FNBP4: variants seen among roughly 807,000 people sequenced by gnomAD.
FNBP4 encodes the protein formin-binding protein 4.
FNBP4 carries 34 observed loss-of-function variants against 119.3 expected under a neutral mutation model. The ratio of observed to expected loss-of-function variants is 0.28; its 90% confidence interval spans 0.22 to 0.38. FNBP4 has a LOEUF of 0.38. Among genes scored for constraint, FNBP4 ranks in the 10% least tolerant of loss-of-function variants. FNBP4 has a pLI of 1.00. For synonymous variants in FNBP4, 462 were observed against 430.6 expected (o/e 1.07, Z -0.90); for missense variants, 1,112 against 1,228.9 (o/e 0.90, Z 1.42).
chr11:47,736,064 C>T (rs984342084), intron 9 of FNBP4, among the ~76,000 whole-genome samples: 6 of 120,046 alleles, frequency 5.0e-5, no homozygotes, highest in African/African-American at 1.5e-4. Context: ...GGAAACAGAG[C>T]GAGACTCCGA....
intron 7 of FNBP4, among the ~76,000 whole-genome samples, chr11:47,744,612 T>C (rs1014407575): frequency 1.3e-5 from 2 of 152,130 alleles, no homozygotes; most frequent in African/African-American, 4.8e-5. Flanking sequence ...TGTGGGTACA[T>C]AGTAAGTGTA....
At chr11:47,725,065 T>G (rs1376588793) in intron 12 of FNBP4, 5 of 272,440 alleles carry the variant, frequency 1.8e-5, no homozygotes, top group African/African-American at 6.6e-5. Flanking sequence ...ACCTTCCCCA[T>G]CTGTATTATA....
At chr11:47,727,252 T>TTC (rs1491357364) in intron 12 of FNBP4, among the ~76,000 whole-genome samples, 34 of 62,630 alleles carry the variant, frequency 5.4e-4, no homozygotes, top group Admixed American at 9.4e-4. Flanking sequence ...ACTTTTCTTC[T>TTC]TTTTTTTTTT....
intron 14 of FNBP4, among the ~76,000 whole-genome samples, 170 bp downstream of exon 14, chr11:47,723,858 C>T (rs970431750): frequency 5.9e-5 from 9 of 151,428 alleles, no homozygotes; most frequent in South Asian, 2.1e-4. Context: ...CCACTGTGCA[C>T]GGTCAGCTAA....
At position 47,734,006 on chromosome 11, in the gene FNBP4, A is replaced by AG; in HGVS notation, c.1686+18_1686+19insC. 1 of 1,330,410 alleles carries AG rather than the reference A, an allele frequency of 7.5e-7. No homozygotes were observed. Among genetic ancestry groups the AG allele is most frequent in the Non-Finnish European group, 1.0e-6 (1 of 989,876 alleles). The allele number at this position is 1,330,410 out of a possible 1,614,324, so 82.4% of individuals were successfully genotyped here. On this transcript the variant is annotated intron_variant, in intron 10 of 16. Coordinates refer to ENST00000263773, the MANE Select transcript of FNBP4 (RefSeq NM_015308.5). ...AACACTTAACTGTTTATGCCAAAAA[A>AG]AAAAAAAAAAAGACTTACCTCAGTC...
At chr11:47,766,684 G>A (rs1387347767) in intron 1 of FNBP4, among the ~76,000 whole-genome samples, 2 of 152,398 alleles carry the variant, frequency 1.3e-5, no homozygotes, top group East Asian at 3.9e-4. Context: ...CCGAAAGGAG[G>A]CAGATGACGT....
chr11:47,718,615 A>C (rs1331873044), intron 16 of FNBP4, among the ~76,000 whole-genome samples: 1 of 152,208 alleles, frequency 6.6e-6, no homozygotes, highest in Non-Finnish European at 1.5e-5. Flanking sequence ...AGAACCTTTA[A>C]TAAAAACTAA....
At position 47,746,079 on chromosome 11, in the gene FNBP4, C is replaced by T. The variant is rs753593811; in HGVS notation, c.1222G>A (p.Glu408Lys). The stretch of plus-strand genomic sequence containing the variant: ...ACTTTTTTCCTTTCCAAAACTAGCT[C>T]CAGTTCAAGGGTATCTTGTTCCTCT... Reference protein sequence around the residue: ...EEEEQDTLELELVLERKKAEL... With the variant: ...EEEEQDTLELKLVLERKKAEL... The change falls in exon 7 of 17, where the codon GAG (glutamate) becomes AAG (lysine). Residue 408 changes from glutamate (E) to lysine (K), a missense_variant. By Grantham distance (56) the Glu-to-Lys change is moderately conservative. This residue lies in a region of FNBP4 where 826 missense variants were observed against 988.8 expected (regional missense o/e 0.84). Transcript: ENST00000263773. The T allele has an allele frequency of 5.6e-6, 9 of 1,594,076 alleles. No individual in the cohort carries two copies. The Admixed American group carries it at 1.7e-4, about 30-fold the overall frequency.
rs369374801 is a variant in FNBP4 at position 47,750,450 on chromosome 11, G to A, written c.906+466C>T. 2.5e-4 allele frequency among the ~76,000 whole-genome samples: 36 copies of A among 145,398 alleles called. No homozygotes were observed. The South Asian group carries it at 7.5e-3, about 30-fold the overall frequency. ...CACGCTTGTAATCCCAGCACTCTGG[G>A]AGGCCAAGGCAGGCGGATCATGAGG... On this transcript the variant is annotated intron_variant, in intron 6 of 16. Coordinates refer to ENST00000263773, the MANE Select transcript of FNBP4 (RefSeq NM_015308.5).
rs1360836177 is a variant in FNBP4, at chr11:47,723,182, C to T, written c.2599G>A (p.Ala867Thr). 2 of 1,613,878 alleles carry T rather than the reference C, an allele frequency of 1.2e-6. No individual in the cohort carries two copies. The highest frequency in any genetic ancestry group is 1.7e-6 in the Non-Finnish European group (2 of 1,180,030). ...GCATAACTCATAATTGCAGGTGCTG[C>T]CGCTAGTCCAAGGTAATTTGACTGC... is the stretch of plus-strand genomic sequence containing the variant. ...SLQSNYLGLA[A>T]APAIMSYAEC... The change falls in exon 15 of 17, where the codon GCA (alanine) becomes ACA (threonine). Residue 867 changes from alanine to threonine, a missense_variant. By Grantham distance (58) the Ala-to-Thr change is moderately conservative. Coordinates refer to ENST00000263773, the MANE Select transcript of FNBP4 (RefSeq NM_015308.5).
In FNBP4 at chr11:47,731,424, T is replaced by C. The variant is rs760370460; in HGVS notation, c.1958A>G (p.Asp653Gly). ...TGAATTTGAATCAGTGCCAGTTTTG[T>C]CTTTCAAGGTCTGTTTGGCAAGAGT... ...DETLAKQTLK[D>G]KTGTDSNSTE... The change falls in exon 12 of 17, where the codon GAC becomes GGC. Residue 653 changes from aspartate to glycine, a missense_variant. This residue lies in a region of FNBP4 where 826 missense variants were observed against 988.8 expected (regional missense o/e 0.84). Coordinates refer to ENST00000263773, the MANE Select transcript of FNBP4 (RefSeq NM_015308.5). The C allele has an allele frequency of 1.2e-6, 2 of 1,613,936 alleles. No individual in the cohort carries two copies. The highest frequency in any genetic ancestry group is 2.7e-5 in the African/African-American group (2 of 74,924).
chr11:47,752,321 A>C (rs1254842226), intron 4 of FNBP4, among the ~76,000 whole-genome samples: 1 of 151,644 alleles, frequency 6.6e-6, no homozygotes, highest in African/African-American at 2.4e-5. Context: ...GCTGCTCAGG[A>C]GACTGAGGCA....
chr11:47,729,078 T>C (rs1201081272), intron 12 of FNBP4: 2 of 781,718 alleles, frequency 2.6e-6, no homozygotes, highest in East Asian at 1.3e-4. Flanking sequence ...TCTTGAACTC[T>C]TGACCTCAGG....
intron 12 of FNBP4, chr11:47,731,146 A>G: frequency 2.4e-6 from 1 of 409,790 alleles, no homozygotes; most frequent in Non-Finnish European, 4.2e-6. Flanking sequence ...TTTAAAATCA[A>G]AATCTGTTAG....
At chr11:47,720,840 G>A (rs1274522253) in intron 15 of FNBP4, among the ~76,000 whole-genome samples, 1 of 151,806 alleles carries the variant, frequency 6.6e-6, no homozygotes, top group Non-Finnish European at 1.5e-5. Flanking sequence ...AGCCGGGGGC[G>A]GTGGCGGCGG....
intron 8 of FNBP4, among the ~76,000 whole-genome samples, chr11:47,742,033 G>A (rs892880280): frequency 1.1e-4 from 17 of 152,022 alleles, no homozygotes; most frequent in African/African-American, 3.9e-4. Flanking sequence ...TTTAAGGCAC[G>A]TTGTTAAGTG....
chr11:47,767,289 C>T lies in FNBP4; in HGVS notation c.-1G>A, dbSNP rs750807311. 15 of 1,513,336 alleles carry T rather than the reference C, an allele frequency of 9.9e-6. No individual in the cohort carries two copies. Among genetic ancestry groups the T allele is most frequent in the Non-Finnish European group, 1.1e-5 (13 of 1,137,780 alleles). 93.7% of individuals were successfully genotyped at this position (1,513,336 alleles called of 1,614,324 possible). On this transcript the variant is annotated 5_prime_UTR_variant, in exon 1 of 17. Coordinates refer to ENST00000263773, the MANE Select transcript of FNBP4 (RefSeq NM_015308.5). ...GTACCGCCCGGGACTTCTTCCCCAT[C>T]GCGAGCCCAAGCGCGAGCAGAGAGC...
At chr11:47,751,556 C>G (rs2097604065) in intron 4 of FNBP4, among the ~76,000 whole-genome samples, 1 of 152,032 alleles carries the variant, frequency 6.6e-6, no homozygotes, top group Non-Finnish European at 1.5e-5. Flanking sequence ...CAAATATCCC[C>G]TAGGGGCACC....
intron 8 of FNBP4, among the ~76,000 whole-genome samples, chr11:47,740,996 C>T (rs2097581191): frequency 1.3e-5 from 2 of 150,658 alleles, no homozygotes; most frequent in East Asian, 1.9e-4. Context: ...TCAAGAGATT[C>T]TCCTACCTCA....
Sources: allele counts gnomAD v4.1 joint callset (sites outside exome capture counted in the v4.1 genomes callset), GRCh38; gene constraint gnomAD v4.1.1; regional missense constraint gnomAD v4.1.1; transcripts MANE v1.5; gene names NCBI Gene and HGNC (gene_info 2026-07-23, HGNC 2026-07-21).